Variants in KIAA1217 observed in about 807,000 individuals in gnomAD.
KIAA1217 encodes the protein KIAA1217.
Under a neutral mutation model 163.9 loss-of-function variants are expected in KIAA1217, and 88 were observed. The ratio of observed to expected loss-of-function variants is 0.54; its 90% CI spans 0.45 to 0.64. The LOEUF is 0.64. Ranked by LOEUF, KIAA1217 falls within the 30% of genes least tolerant of loss-of-function variation. The probability of loss-of-function intolerance (pLI) is 0.00; values close to 1 mark genes in which losing one functional copy is unlikely to be tolerated. For synonymous variants in KIAA1217, 903 were observed against 923.1 expected, an observed-to-expected ratio of 0.98 and a Z score of 0.39; for missense variants, 2,372 against 2,475.0, an observed-to-expected ratio of 0.96 and a Z score of 0.88.
intron 2 of KIAA1217, among the ~76,000 whole-genome samples, chr10:24,272,325 C>T (rs933229032): frequency 1.3e-5 from 2 of 152,132 alleles, no homozygotes; most frequent in African/African-American, 2.4e-5. Flanking sequence ...CTTTCTAACT[C>T]GATGTGTGAC....
intron 1 of KIAA1217, among the ~76,000 whole-genome samples, chr10:23,765,327 T>C (rs2130866642): frequency 6.6e-6 from 1 of 151,154 alleles, no homozygotes; most frequent in Admixed American, 6.6e-5. Flanking sequence ...TAGCTGGGAC[T>C]ACAGCCCGGC....
intron 1 of KIAA1217, among the ~76,000 whole-genome samples, chr10:23,711,102 A>T (rs1328585254): frequency 6.6e-6 from 1 of 152,192 alleles, no homozygotes; most frequent in African/African-American, 2.4e-5. Flanking sequence ...GAGGCACCAG[A>T]TCTTCTGGGC....
intron 1 of KIAA1217, among the ~76,000 whole-genome samples, chr10:23,718,853 A>G (rs1321861884): frequency 6.8e-6 from 1 of 147,992 alleles, no homozygotes; most frequent in African/African-American, 2.6e-5. Flanking sequence ...AGGGAGGGGG[A>G]GAGAGAGAGA....
chr10:24,211,010 C>T (rs138315086), intron 1 of KIAA1217, among the ~76,000 whole-genome samples: 1,704 of 151,896 alleles, frequency 0.011, 41 homozygotes, highest in African/African-American at 0.039. Context: ...AATACTTCTC[C>T]ATTATTTATG....
chr10:24,403,171 A>G (rs2056781432), intron 3 of KIAA1217, among the ~76,000 whole-genome samples: 2 of 152,236 alleles, frequency 1.3e-5, no homozygotes, highest in South Asian at 4.1e-4. Context: ...TAGACGTGAC[A>G]GCAGAAACAT....
chr10:23,878,155 A>G (rs1036293698), intron 1 of KIAA1217, among the ~76,000 whole-genome samples: 4 of 152,002 alleles, frequency 2.6e-5, no homozygotes, highest in Non-Finnish European at 5.9e-5. Context: ...ACGTTGAGTT[A>G]GATCATGGCA....
intron 1 of KIAA1217, among the ~76,000 whole-genome samples, chr10:23,837,279 C>A (rs1256577561): frequency 1.3e-5 from 2 of 152,128 alleles, no homozygotes; most frequent in Non-Finnish European, 2.9e-5. Context: ...TATGATGGAC[C>A]TAGCAAAGTA....
At chr10:23,785,565 C>CACAT (rs1162727169) in intron 1 of KIAA1217, among the ~76,000 whole-genome samples, 2 of 152,154 alleles carry the variant, frequency 1.3e-5, no homozygotes, top group Non-Finnish European at 2.9e-5. Context: ...TATACATGCA[C>CACAT]ACATACATAC....
rs749624402 is a variant in KIAA1217 at position 24,471,886 on chromosome 10, CAAAAA to C, written c.847-1322_847-1318del. Among the ~76,000 whole-genome samples, 8 of 46,942 alleles carry C rather than the reference CAAAAA, an allele frequency of 1.7e-4. 1 individual carries two copies. Among genetic ancestry groups the C allele is most frequent in the Admixed American group, 6.0e-4 (3 of 4,984 alleles). 30.8% of individuals were successfully genotyped at this position (46,942 alleles called of 152,430 possible). A position where few individuals can be genotyped will look rare whatever the true frequency, so the allele number is the denominator to read the frequency against. On this transcript the variant is annotated intron_variant, in intron 5 of 20. Coordinates refer to ENST00000376454, the MANE Select transcript of KIAA1217 (RefSeq NM_019590.5). Reference sequence around the variant, plus strand: ...TGGGAGACAGAGCAAGACTCCATCTCAAAAAAAAAAAAAAAAAAAAAAAATCTGTG... The same window carrying C: ...TGGGAGACAGAGCAAGACTCCATCTCAAAAAAAAAAAAAAAAAAATCTGTG...
chr10:23,696,287 C>G (rs1836035426), intron 1 of KIAA1217, among the ~76,000 whole-genome samples: 1 of 152,232 alleles, frequency 6.6e-6, no homozygotes. Context: ...CTCGCCTACC[C>G]TGCTCTCACC....
chr10:24,442,700 T>G (rs1187505001), intron 5 of KIAA1217, among the ~76,000 whole-genome samples: 4 of 152,082 alleles, frequency 2.6e-5, no homozygotes, highest in Non-Finnish European at 4.4e-5. Context: ...GCATGCATAT[T>G]TTGGGGAATG....
chr10:24,004,801 T>C (rs1178250267), intron 1 of KIAA1217, among the ~76,000 whole-genome samples: 1 of 152,082 alleles, frequency 6.6e-6, no homozygotes, highest in Non-Finnish European at 1.5e-5. Flanking sequence ...GAGGCAAAGA[T>C]TTGGAGGAAG....
At chr10:23,847,817 G>T (rs530505377) in intron 1 of KIAA1217, among the ~76,000 whole-genome samples, 1 of 151,786 alleles carries the variant, frequency 6.6e-6, no homozygotes, top group Non-Finnish European at 1.5e-5. Flanking sequence ...TTAGGGTGTC[G>T]ATTTTAGATC....
chr10:23,856,878 G>T (rs1321688969), intron 1 of KIAA1217, among the ~76,000 whole-genome samples: 1 of 152,218 alleles, frequency 6.6e-6, no homozygotes, highest in Non-Finnish European at 1.5e-5. Flanking sequence ...GCAGTATTAG[G>T]GTGGGAGTGA....
intron 2 of KIAA1217, among the ~76,000 whole-genome samples, chr10:24,030,662 G>A (rs745337532): frequency 5.9e-5 from 9 of 152,040 alleles, no homozygotes; most frequent in African/African-American, 2.2e-4. Context: ...CATTAAACAC[G>A]AACTCCTCAT....
At chr10:24,154,754 T>C (rs965024365) in intron 2 of KIAA1217, among the ~76,000 whole-genome samples, 1 of 152,064 alleles carries the variant, frequency 6.6e-6, no homozygotes, top group Non-Finnish European at 1.5e-5. Context: ...TGTGTGCCTG[T>C]AGTCCCAGCT....
At chr10:24,148,461 G>A (rs905732129) in intron 2 of KIAA1217, among the ~76,000 whole-genome samples, 1 of 152,258 alleles carries the variant, frequency 6.6e-6, no homozygotes, top group Middle Eastern at 3.4e-3. Context: ...GTGGGGCCTG[G>A]TGGGAGGTGA....
intron 9 of KIAA1217, among the ~76,000 whole-genome samples, chr10:24,510,439 T>C (rs1365999372): frequency 6.6e-6 from 1 of 152,214 alleles, no homozygotes; most frequent in Non-Finnish European, 1.5e-5. Flanking sequence ...CATCTGTCTA[T>C]TCAAAAGCCC....
chr10:24,087,704 C>A (rs76723421), intron 2 of KIAA1217, among the ~76,000 whole-genome samples: 3,874 of 152,320 alleles, frequency 0.025, 154 homozygotes, highest in African/African-American at 0.089. Flanking sequence ...TTTGTACAGT[C>A]TAGCCCATGA....
Sources: gnomAD v4.1 joint callset for allele counts (sites outside exome capture counted in the v4.1 genomes callset) on GRCh38, gnomAD v4.1.1 for gene constraint, MANE v1.5 for transcripts, NCBI Gene and HGNC (gene_info 2026-07-23, HGNC 2026-07-21) for gene names.